Variants in CSMD1 observed in about 807,000 individuals in gnomAD.
CSMD1 encodes the protein CUB and sushi domain-containing protein 1.
CSMD1 carries 213 observed loss-of-function variants against 417.5 expected under a neutral mutation model. The observed-to-expected ratio is 0.51, with a 90% confidence interval of 0.46 to 0.57. The LOEUF (loss-of-function observed/expected upper bound fraction) is 0.57, where lower values mean the gene tolerates loss of function less well. CSMD1 is among the 20% of genes least tolerant of loss of function. CSMD1 has a pLI of 0.00. For synonymous variants in CSMD1, 2,862 were observed against 1,736.8 expected (o/e 1.65, Z -16.11); for missense variants, 6,923 against 4,529.7 (o/e 1.53, Z -15.17).
intron 5 of CSMD1, among the ~76,000 whole-genome samples, chr8:3,981,534 A>G (rs1046025332): frequency 1.3e-4 from 19 of 148,480 alleles, no homozygotes; most frequent in Non-Finnish European, 7.4e-5. Context: ...AAGAACATAC[A>G]ATTGTGTTTA....
At chr8:3,369,009 T>G (rs1444031922) in intron 19 of CSMD1, among the ~76,000 whole-genome samples, 3 of 152,240 alleles carry the variant, frequency 2.0e-5, no homozygotes, top group African/African-American at 7.2e-5. Context: ...ATTTCAAGCT[T>G]ATGTTCACAT....
At chr8:4,663,172 C>T (rs1311139594) in intron 1 of CSMD1, among the ~76,000 whole-genome samples, 1 of 152,126 alleles carries the variant, frequency 6.6e-6, no homozygotes, top group East Asian at 1.9e-4. Flanking sequence ...ACTGGATCAG[C>T]TGGGAAGTGC....
chr8:3,481,615 G>A (rs980865794), intron 11 of CSMD1, among the ~76,000 whole-genome samples: 11 of 152,196 alleles, frequency 7.2e-5, no homozygotes, highest in Non-Finnish European at 1.5e-4. Context: ...AAATGTGGGG[G>A]ATTGTCCTGA....
chr8:3,573,936 C>G (rs1223322473), intron 10 of CSMD1, among the ~76,000 whole-genome samples: 1 of 151,734 alleles, frequency 6.6e-6, no homozygotes, highest in African/African-American at 2.4e-5. Flanking sequence ...TTTCTTCCTA[C>G]TGGCAAGCAT....
chr8:3,513,265 GT>G (rs565656041), intron 10 of CSMD1, among the ~76,000 whole-genome samples: 410 of 150,872 alleles, frequency 2.7e-3, no homozygotes, highest in African/African-American at 9.1e-3. Context: ...AAATTATTTT[GT>G]TTTTTGTAAG....
chr8:3,649,184 G>A (rs1470846849), intron 7 of CSMD1, among the ~76,000 whole-genome samples: 4 of 152,058 alleles, frequency 2.6e-5, no homozygotes, highest in African/African-American at 9.7e-5. Flanking sequence ...TTCGGCAATG[G>A]CAGGTTTGTA....
chr8:4,074,286 C>A (rs1052653807), intron 3 of CSMD1, among the ~76,000 whole-genome samples: 7 of 151,938 alleles, frequency 4.6e-5, no homozygotes, highest in Non-Finnish European at 5.9e-5. Context: ...GAAACGGTGT[C>A]AGCTAAACAA....
In CSMD1 at chr8:3,586,259, C is replaced by T; in HGVS notation, c.1099G>A (p.Val367Ile). The change falls in exon 9 of 70, where the codon GTT (valine) becomes ATT (isoleucine). Residue 367 changes from valine (V) to isoleucine (I), a missense_variant and splice_region_variant. Transcript: ENST00000635120. ...NGRRAGSDFR[V>I]GANVQFSCED... is the part of the protein sequence containing the mutation. ...CATGAAAACTGTACATTTGCACCAACCCTAAGCCGTTAAAAAAGAAAAAAA... is the reference window on the plus strand; with the variant it reads ...CATGAAAACTGTACATTTGCACCAATCCTAAGCCGTTAAAAAAGAAAAAAA... 6.4e-7 allele frequency: 1 copy of T among 1,559,214 alleles called. No individual in the cohort carries two copies.
At chr8:3,650,271 C>T (rs969052073) in intron 7 of CSMD1, among the ~76,000 whole-genome samples, 1 of 149,142 alleles carries the variant, frequency 6.7e-6, no homozygotes, top group South Asian at 2.1e-4. Context: ...GAGCAAGACT[C>T]TTTCTCAGAA....
At chr8:4,652,983 C>G (rs1804005217) in intron 1 of CSMD1, among the ~76,000 whole-genome samples, 1 of 151,742 alleles carries the variant, frequency 6.6e-6, no homozygotes, top group African/African-American at 2.4e-5. Flanking sequence ...CCCTTGCTCA[C>G]CCACTGCTCA....
intron 3 of CSMD1, among the ~76,000 whole-genome samples, chr8:4,260,503 T>C (rs897410412): frequency 9.8e-5 from 15 of 152,314 alleles, no homozygotes; most frequent in Admixed American, 2.6e-4. Context: ...AGGCAAACAA[T>C]GTTAAAGAAC....
chr8:4,248,829 T>C (rs1802868482), intron 3 of CSMD1, among the ~76,000 whole-genome samples: 1 of 152,094 alleles, frequency 6.6e-6, no homozygotes, highest in South Asian at 2.1e-4. Flanking sequence ...GACTGATGTA[T>C]CCCAATAGCC....
intron 6 of CSMD1, among the ~76,000 whole-genome samples, chr8:3,739,659 T>C (rs1796694478): frequency 6.6e-6 from 1 of 152,206 alleles, no homozygotes; most frequent in South Asian, 2.1e-4. Context: ...GGAAATCTGT[T>C]AATGTTTAAA....
chr8:3,746,671 TAAG>T (rs1330195115), intron 6 of CSMD1, among the ~76,000 whole-genome samples: 3 of 152,208 alleles, frequency 2.0e-5, no homozygotes, highest in African/African-American at 7.2e-5. Context: ...TCAACATTAG[TAAG>T]AAATTATCCC....
chr8:3,241,107 G>C (rs926684983), intron 26 of CSMD1, among the ~76,000 whole-genome samples: 2 of 151,270 alleles, frequency 1.3e-5, no homozygotes, highest in South Asian at 2.1e-4. Flanking sequence ...GCTTTGGATT[G>C]GGAAGAAGGG....
intron 55 of CSMD1, among the ~76,000 whole-genome samples, chr8:2,977,153 G>C (rs1034955836): frequency 2.6e-5 from 4 of 151,976 alleles, no homozygotes; most frequent in African/African-American, 7.3e-5. Flanking sequence ...GGGTGTGTAG[G>C]TTTGTTACGC....
At chr8:4,224,828 T>C (rs901899438) in intron 3 of CSMD1, among the ~76,000 whole-genome samples, 9 of 152,206 alleles carry the variant, frequency 5.9e-5, no homozygotes, top group Non-Finnish European at 7.3e-5. Flanking sequence ...TGGGAGGATA[T>C]ATAGGGCGCT....
intron 1 of CSMD1, among the ~76,000 whole-genome samples, chr8:4,935,780 G>A (rs925455076): frequency 2.6e-5 from 4 of 152,204 alleles, no homozygotes; most frequent in African/African-American, 7.2e-5. Context: ...AAAGAAAGAC[G>A]AGGAATACAA....
At chr8:4,960,619 G>A (rs1017365286) in intron 1 of CSMD1, among the ~76,000 whole-genome samples, 7 of 152,166 alleles carry the variant, frequency 4.6e-5, no homozygotes, top group African/African-American at 1.7e-4. Context: ...AGTCATGGGT[G>A]CATGCATCCA....
Sources: gnomAD v4.1 joint callset for allele counts (sites outside exome capture counted in the v4.1 genomes callset) on GRCh38, gnomAD v4.1.1 for gene constraint, MANE v1.5 for transcripts, NCBI Gene and HGNC (gene_info 2026-07-23, HGNC 2026-07-21) for gene names.